The following ERC1 variants were observed in gnomAD, a reference collection of about 807,000 sequenced individuals.
ERC1 encodes the protein RAB6 interacting protein 2.
Under a neutral mutation model 132.0 loss-of-function variants are expected in ERC1, and 56 were observed. The ratio of observed to expected loss-of-function variants is 0.42; its 90% CI spans 0.34 to 0.53. The LOEUF is 0.53. Among genes scored for constraint, ERC1 ranks in the 20% least tolerant of loss-of-function variants. The pLI is 0.03. For synonymous variants in ERC1, 478 were observed against 476.1 expected (o/e 1.00, Z -0.05); for missense variants, 1,202 against 1,349.9 (o/e 0.89, Z 1.72).
chr12:1,219,074 T>A (rs1958709944), intron 12 of ERC1, among the ~76,000 whole-genome samples: 1 of 151,934 alleles, frequency 6.6e-6, no homozygotes, highest in Non-Finnish European at 1.5e-5. Context: ...GATTTCACCA[T>A]ATTGGCCAGG....
intron 17 of ERC1, among the ~76,000 whole-genome samples, chr12:1,423,385 G>C (rs144988596): frequency 1.3e-5 from 2 of 152,058 alleles, no homozygotes; most frequent in African/African-American, 4.8e-5. Flanking sequence ...AAATTTTAAC[G>C]TGCCTTTGTT....
At chr12:1,080,398 TTA>T (rs1219174990) in intron 2 of ERC1, among the ~76,000 whole-genome samples, 1 of 152,234 alleles carries the variant, frequency 6.6e-6, no homozygotes, top group African/African-American at 2.4e-5. Flanking sequence ...TGTGATTGGC[TTA>T]TTTCACTTAG....
intron 15 of ERC1, among the ~76,000 whole-genome samples, chr12:1,295,604 A>T (rs1320033713): frequency 6.6e-6 from 1 of 152,172 alleles, no homozygotes; most frequent in Non-Finnish European, 1.5e-5. Context: ...CACAAAAGAT[A>T]GGTTTGAGGA....
intron 7 of ERC1, among the ~76,000 whole-genome samples, chr12:1,121,705 ATCTGTGTC>A (rs1360954582): frequency 3.6e-4 from 19 of 52,414 alleles, no homozygotes; most frequent in African/African-American, 1.3e-3. Context: ...CTCTATCTCT[ATCTGTGTC>A]TCTATCTCTA....
At chr12:1,135,942 C>T (rs1174184441) in intron 7 of ERC1, among the ~76,000 whole-genome samples, 1 of 152,138 alleles carries the variant, frequency 6.6e-6, no homozygotes, top group Non-Finnish European at 1.5e-5. Flanking sequence ...AGGTCATTAT[C>T]AGGTATTTTC....
At chr12:1,280,020 A>G (rs1451439566) in intron 14 of ERC1, among the ~76,000 whole-genome samples, 3 of 152,088 alleles carry the variant, frequency 2.0e-5, no homozygotes, top group Non-Finnish European at 2.9e-5. Context: ...CCTATACTCT[A>G]TCTAAACTGC....
At chr12:1,256,996 A>G (rs900881823) in intron 13 of ERC1, 20 of 150,752 alleles carry the variant, frequency 1.3e-4, no homozygotes, top group African/African-American at 3.7e-4. Context: ...CCTGGCGTTC[A>G]TGCCCTTGTG....
Position 1,494,745 on chromosome 12 carries a change from G to A in ERC1, c.*4515G>A. 1.3e-5 allele frequency: 3 copies of A among 231,046 alleles called. No homozygotes were observed. The highest frequency in any genetic ancestry group is 2.6e-5 in the Non-Finnish European group (3 of 116,718). The allele number at this position is 231,046 out of a possible 1,614,324, so 14.3% of individuals were successfully genotyped here. A position where few individuals can be genotyped will look rare whatever the true frequency, so the allele number is the denominator to read the frequency against. On this transcript the variant is annotated 3_prime_UTR_variant, in exon 19 of 19. Transcript: ENST00000360905. ...ATTGTCTGTGTGATTCAGAGAATTG[G>A]GGCAGTTACATTGTGTCTGTTGTTG... is the stretch of plus-strand genomic sequence containing the variant.
chr12:1,433,829 A>G (rs2092872891), intron 17 of ERC1, among the ~76,000 whole-genome samples: 1 of 152,086 alleles, frequency 6.6e-6, no homozygotes, highest in South Asian at 2.1e-4. Context: ...ATTTGGGCAG[A>G]CTGGTTAAAG....
At chr12:1,200,685 A>C (rs1373921999) in intron 12 of ERC1, among the ~76,000 whole-genome samples, 1 of 151,880 alleles carries the variant, frequency 6.6e-6, no homozygotes, top group East Asian at 1.9e-4. Flanking sequence ...CACCCTCCTG[A>C]GTAGCTGGGA....
chr12:1,370,883 G>T (rs978069010), intron 15 of ERC1, among the ~76,000 whole-genome samples: 2 of 151,994 alleles, frequency 1.3e-5, no homozygotes, highest in African/African-American at 4.8e-5. Context: ...GTGTGCCACC[G>T]CACCCAGCTA....
chr12:1,469,690 C>T (rs2093818047), intron 18 of ERC1, among the ~76,000 whole-genome samples: 1 of 152,224 alleles, frequency 6.6e-6, no homozygotes, highest in East Asian at 1.9e-4. Flanking sequence ...GTCCCTCATT[C>T]TCACCCTTCT....
intron 17 of ERC1, among the ~76,000 whole-genome samples, chr12:1,422,973 G>A (rs1429597628): frequency 1.3e-5 from 2 of 152,110 alleles, no homozygotes; most frequent in Non-Finnish European, 2.9e-5. Context: ...ATTTTTTCAT[G>A]TACCTATTTC....
chr12:1,330,934 C>T (rs2082816780), intron 15 of ERC1, among the ~76,000 whole-genome samples: 1 of 152,128 alleles, frequency 6.6e-6, no homozygotes, highest in African/African-American at 2.4e-5. Flanking sequence ...ATTCTGTCTT[C>T]AGCTACATTC....
chr12:1,262,247 A>C (rs1227984577), intron 13 of ERC1, among the ~76,000 whole-genome samples: 1 of 152,220 alleles, frequency 6.6e-6, no homozygotes, highest in Non-Finnish European at 1.5e-5. Flanking sequence ...TCTCCATCCC[A>C]CTTGAACTCT....
chr12:1,130,395 G>T (rs570238989), intron 7 of ERC1, among the ~76,000 whole-genome samples: 15 of 152,122 alleles, frequency 9.9e-5, no homozygotes, highest in Non-Finnish European at 2.9e-5. Flanking sequence ...ACCAGAACGA[G>T]GAAGTGTTAT....
chr12:1,024,271 C>G (rs571690405), intron 1 of ERC1, among the ~76,000 whole-genome samples: 1 of 152,098 alleles, frequency 6.6e-6, no homozygotes, highest in Admixed American at 6.6e-5. Context: ...GTCTCAGCTA[C>G]TCGGGTGGCT....
chr12:1,462,212 G>A (rs1345727198), intron 18 of ERC1, among the ~76,000 whole-genome samples: 2 of 152,142 alleles, frequency 1.3e-5, no homozygotes, highest in Admixed American at 6.5e-5. Flanking sequence ...GTGAAGATAT[G>A]GAGCAACTGG....
intron 14 of ERC1, among the ~76,000 whole-genome samples, chr12:1,277,762 G>C (rs77034302): frequency 0.013 from 1,988 of 152,314 alleles, 44 homozygotes; most frequent in African/African-American, 0.045. Context: ...TCAATGCACA[G>C]ATTGTAGATA....
Sources: gnomAD v4.1 joint callset for allele counts (sites outside exome capture counted in the v4.1 genomes callset) on GRCh38, gnomAD v4.1.1 for gene constraint, MANE v1.5 for transcripts, NCBI Gene and HGNC (gene_info 2026-07-23, HGNC 2026-07-21) for gene names.